Variants in GNAO1 observed in about 807,000 individuals in gnomAD.
The protein encoded by GNAO1 is G protein subunit alpha o1.
For synonymous variants in GNAO1, 164 were observed against 180.7 expected (o/e 0.91, Z 0.74); for missense variants, 166 against 478.7 (o/e 0.35, Z 6.10).
chr16:56,234,421 C>T (rs1567448442), intron 2 of GNAO1, among the ~76,000 whole-genome samples: 1 of 152,246 alleles, frequency 6.6e-6, no homozygotes, highest in Non-Finnish European at 1.5e-5. Context: ...CAGACATGCT[C>T]GGGGCCTGCA....
intron 2 of GNAO1, among the ~76,000 whole-genome samples, chr16:56,248,889 TG>T (rs2036773495): frequency 6.6e-6 from 1 of 152,112 alleles, no homozygotes; most frequent in Non-Finnish European, 1.5e-5. Context: ...TGGGAGCCCA[TG>T]GGAAGTGTTG....
chr16:56,263,453 A>T (rs986405368), intron 2 of GNAO1, among the ~76,000 whole-genome samples: 2 of 152,232 alleles, frequency 1.3e-5, no homozygotes, highest in African/African-American at 4.8e-5. Context: ...TATACAAATA[A>T]AAATATACAT....
At position 56,210,456 on chromosome 16, in the gene GNAO1, G is replaced by T. The variant is rs370292268; in HGVS notation, c.161+17840G>T. Among the ~76,000 whole-genome samples, 5 of 152,334 alleles carry T rather than the reference G, an allele frequency of 3.3e-5. No individual in the cohort carries two copies. The East Asian group carries it at 5.8e-4, about 18-fold the overall frequency. ...AGGAGCACAATTGCTGGATTGTGTG[G>T]TAAGAACAGGTTTAGTTTTGTAGGA... On this transcript the variant is annotated intron_variant, in intron 2 of 8. Coordinates refer to ENST00000262493, the MANE Select transcript of GNAO1 (RefSeq NM_020988.3).
chr16:56,207,039 C>T (rs575548452), intron 2 of GNAO1, among the ~76,000 whole-genome samples: 15 of 152,366 alleles, frequency 9.8e-5, no homozygotes, highest in Non-Finnish European at 1.6e-4. Flanking sequence ...TTACATATTA[C>T]TCTCCTTACA....
chr16:56,344,135 AGGGGC>A, intron 6 of GNAO1: 5 of 1,443,208 alleles, frequency 3.5e-6, no homozygotes, highest in Non-Finnish European at 4.5e-6. Context: ...GTGGTAACGC[AGGGGC>A]GGGGCGGGGC....
intron 6 of GNAO1, among the ~76,000 whole-genome samples, chr16:56,341,366 C>T (rs2037801992): frequency 6.6e-6 from 1 of 152,264 alleles, no homozygotes; most frequent in African/African-American, 2.4e-5. Flanking sequence ...CTCCGCCACT[C>T]ACAAGCAGCT....
At chr16:56,266,157 T>C (rs2143496355) in intron 2 of GNAO1, among the ~76,000 whole-genome samples, 1 of 152,384 alleles carries the variant, frequency 6.6e-6, no homozygotes, top group East Asian at 1.9e-4. Flanking sequence ...TATTGAGCTG[T>C]GAGTCCTTTG....
chr16:56,194,397 A>G, intron 2 of GNAO1: 1 of 398,210 alleles, frequency 2.5e-6, no homozygotes, highest in South Asian at 1.8e-5. Flanking sequence ...TTAAAACTTC[A>G]GAAGTCTGTA....
At chr16:56,283,654 C>T (rs2037135462) in intron 3 of GNAO1, among the ~76,000 whole-genome samples, 1 of 152,084 alleles carries the variant, frequency 6.6e-6, no homozygotes. Flanking sequence ...TCCCTGAGTC[C>T]CCTGGGGCTT....
At chr16:56,273,731 A>C (rs947657249) in intron 2 of GNAO1, among the ~76,000 whole-genome samples, 1 of 152,178 alleles carries the variant, frequency 6.6e-6, no homozygotes, top group African/African-American at 2.4e-5. Flanking sequence ...GGGCAGGTCT[A>C]AAGCAGCCTT....
At chr16:56,244,795 G>T (rs1485233808) in intron 2 of GNAO1, among the ~76,000 whole-genome samples, 24 of 152,144 alleles carry the variant, frequency 1.6e-4, no homozygotes, top group African/African-American at 5.3e-4. Flanking sequence ...AAATGCACGT[G>T]CTGTCAGGAG....
chr16:56,343,905 G>T (rs374598514), intron 6 of GNAO1: 1 of 1,614,130 alleles, frequency 6.2e-7, no homozygotes, highest in South Asian at 1.1e-5. Flanking sequence ...ATGCTGTGAC[G>T]GACGTCATCA....
Position 56,301,859 on chromosome 16 carries a change from T to C in GNAO1, c.303+25787T>C, listed in dbSNP as rs976772863. 7 of 152,262 alleles carry C rather than the reference T, an allele frequency of 4.6e-5. No homozygotes were observed. The East Asian group carries it at 1.4e-3, about 29-fold the overall frequency. The allele number at this position is 152,262 out of a possible 1,614,324, so 9.4% of individuals were successfully genotyped here. On this transcript the variant is annotated intron_variant, in intron 3 of 8. Coordinates refer to ENST00000262493, the MANE Select transcript of GNAO1 (RefSeq NM_020988.3). Reference sequence around the variant, plus strand: ...CACTAACTTGTTTAGAACTCAGCCGTCTGTGAGGTGCACACTGTCACCACC... The same window carrying C: ...CACTAACTTGTTTAGAACTCAGCCGCCTGTGAGGTGCACACTGTCACCACC...
intron 2 of GNAO1, among the ~76,000 whole-genome samples, chr16:56,273,295 A>G (rs1283231599): frequency 6.6e-6 from 1 of 152,050 alleles, no homozygotes; most frequent in Non-Finnish European, 1.5e-5. Context: ...CATCTTCTGT[A>G]TGTCTAATCT....
chr16:56,256,684 CTG>C (rs1303879307), intron 2 of GNAO1, among the ~76,000 whole-genome samples: 8 of 119,332 alleles, frequency 6.7e-5, no homozygotes, highest in Non-Finnish European at 1.1e-4. Flanking sequence ...CTCTTTCTCT[CTG>C]TCTCTCTCTC....
At chr16:56,256,358 G>A (rs564008522) in intron 2 of GNAO1, among the ~76,000 whole-genome samples, 2 of 152,242 alleles carry the variant, frequency 1.3e-5, no homozygotes, top group Admixed American at 6.5e-5. Context: ...GCTCCATTAC[G>A]TGCCAAATTC....
chr16:56,315,938 A>G (rs1346933128), intron 3 of GNAO1, among the ~76,000 whole-genome samples: 3 of 152,054 alleles, frequency 2.0e-5, no homozygotes, highest in Non-Finnish European at 1.5e-5. Context: ...GGGCACCTGT[A>G]ATCCCAGCTA....
intron 3 of GNAO1, among the ~76,000 whole-genome samples, chr16:56,328,149 G>C (rs1420241720): frequency 2.6e-5 from 4 of 152,130 alleles, no homozygotes; most frequent in African/African-American, 9.7e-5. Context: ...CCAGTTCTAG[G>C]GACTGCATTC....
intron 2 of GNAO1, among the ~76,000 whole-genome samples, chr16:56,264,068 C>G (rs931116093): frequency 1.3e-5 from 2 of 152,206 alleles, no homozygotes; most frequent in Non-Finnish European, 2.9e-5. Flanking sequence ...AAGAGGAGGC[C>G]GACAGAGCTG....
Sources: allele counts gnomAD v4.1 joint callset (sites outside exome capture counted in the v4.1 genomes callset), GRCh38; gene constraint gnomAD v4.1.1; transcripts MANE v1.5; gene names NCBI Gene and HGNC (gene_info 2026-07-23, HGNC 2026-07-21).